SPIRE1: variants seen among roughly 807,000 people sequenced by gnomAD.
SPIRE1 encodes protein spire homolog 1.
In SPIRE1, 40 loss-of-function variants were observed where a neutral mutation model predicts 94.1. That is an observed-to-expected ratio of 0.43 (90% CI 0.33 to 0.55). The LOEUF is 0.55. SPIRE1 is among the 20% of genes least tolerant of loss of function. SPIRE1 has a pLI of 0.06. For missense variants in SPIRE1, 838 were observed against 975.2 expected (o/e 0.86, Z 1.87); for synonymous variants, 376 against 371.7 (o/e 1.01, Z -0.13).
Position 12,464,786 on chromosome 18 carries a change from G to A in SPIRE1, c.1495+82C>T, listed in dbSNP as rs2032019415. ...TCTTTCTACCCTAGATGATCACAGG[G>A]CGCTCTGGGATCTCTGCTCTAGGTC... On this transcript the variant is annotated intron_variant, in intron 11 of 16. Transcript: ENST00000409402. 3 of 1,110,438 alleles carry A rather than the reference G, an allele frequency of 2.7e-6. No homozygotes were observed. The South Asian group carries it at 4.0e-5, about 15-fold the overall frequency. 68.8% of individuals were successfully genotyped at this position (1,110,438 alleles called of 1,614,324 possible). A position where few individuals can be genotyped will look rare whatever the true frequency, so the allele number is the denominator to read the frequency against.
chr18:12,539,948 G>GAAAGAA (rs1442445208), intron 3 of SPIRE1, among the ~76,000 whole-genome samples: 3 of 149,940 alleles, frequency 2.0e-5, no homozygotes, highest in South Asian at 2.1e-4. Context: ...AAAAAGAAAA[G>GAAAGAA]AAAGAAAAAG....
chr18:12,558,747 A>G (rs28815517), intron 2 of SPIRE1, among the ~76,000 whole-genome samples: 16,365 of 152,154 alleles, frequency 0.11, 994 homozygotes, highest in Middle Eastern at 0.18. Flanking sequence ...TGACTGGTGC[A>G]TCCACAAACC....
chr18:12,600,295 A>T (rs1369656205), intron 2 of SPIRE1, among the ~76,000 whole-genome samples: 1 of 152,120 alleles, frequency 6.6e-6, no homozygotes, highest in East Asian at 1.9e-4. Flanking sequence ...ACTCCTAACT[A>T]ACAAAATCTG....
At chr18:12,506,306 C>T (rs972776145) in intron 6 of SPIRE1, among the ~76,000 whole-genome samples, 171 bp downstream of exon 6, 1 of 152,056 alleles carries the variant, frequency 6.6e-6, no homozygotes, top group African/African-American at 2.4e-5. Context: ...TACAGGTGTG[C>T]ACCACCACGC....
chr18:12,623,660 C>T (rs2037539323), intron 2 of SPIRE1, among the ~76,000 whole-genome samples: 3 of 151,234 alleles, frequency 2.0e-5, no homozygotes, highest in South Asian at 2.1e-4. Context: ...GAGAGTTTCA[C>T]TCTTGTCACC....
intron 2 of SPIRE1, among the ~76,000 whole-genome samples, chr18:12,554,919 C>T (rs1281636338): frequency 6.6e-6 from 1 of 152,146 alleles, no homozygotes; most frequent in African/African-American, 2.4e-5. Flanking sequence ...AGGAAACCAC[C>T]CATCAGGCCT....
intron 2 of SPIRE1, among the ~76,000 whole-genome samples, chr18:12,547,580 A>T (rs993349826): frequency 7.2e-4 from 110 of 152,280 alleles, no homozygotes; most frequent in Middle Eastern, 3.4e-3. Context: ...CTATATATTT[A>T]AAAAAGCACA....
chr18:12,658,169 AGGGGGCCGCACGGGCC>A (rs2038616109), upstream of SPIRE1: 1 of 882,596 alleles, frequency 1.1e-6, no homozygotes, highest in Non-Finnish European at 1.5e-6. Context: ...CCCGCCCCTT[AGGGGGCCGCACGGGCC>A]GGGGGATGCA....
At chr18:12,485,710 C>G in intron 9 of SPIRE1, among the ~76,000 whole-genome samples, 1 of 152,158 alleles carries the variant, frequency 6.6e-6, no homozygotes, top group East Asian at 1.9e-4. Context: ...GCACCATCTT[C>G]TAGAACCATG....
intron 10 of SPIRE1, 94 bp downstream of exon 10, chr18:12,479,605 A>T: frequency 8.4e-7 from 1 of 1,194,450 alleles, no homozygotes; most frequent in Non-Finnish European, 1.2e-6. Context: ...GGAAGAGATT[A>T]AGCAACAACT....
chr18:12,540,207 A>ATTTGTGGCT (rs1307679722), intron 3 of SPIRE1, among the ~76,000 whole-genome samples: 1 of 152,058 alleles, frequency 6.6e-6, no homozygotes, highest in East Asian at 1.9e-4. Context: ...CTCAAATCCC[A>ATTTGTGGCT]TTTGTGGCTT....
intron 1 of SPIRE1, among the ~76,000 whole-genome samples, chr18:12,641,366 CTTT>C (rs1183704721): frequency 8.4e-6 from 1 of 119,344 alleles, no homozygotes; most frequent in African/African-American, 2.9e-5. Flanking sequence ...ACCCGAATTT[CTTT>C]TTTTCTTTTT....
At chr18:12,522,315 A>T (rs980160409) in intron 4 of SPIRE1, among the ~76,000 whole-genome samples, 13 of 152,218 alleles carry the variant, frequency 8.5e-5, no homozygotes, top group South Asian at 2.1e-4. Flanking sequence ...CCTAATCCTA[A>T]GCAGGGCTCA....
chr18:12,452,611 A>C, intron 14 of SPIRE1, 99 bp from the exon 15 acceptor site: 1 of 1,131,582 alleles, frequency 8.8e-7, no homozygotes, highest in Non-Finnish European at 1.3e-6. Context: ...TTCCACAATA[A>C]ACTGCATAAC....
At chr18:12,614,690 C>T (rs2037234994) in intron 2 of SPIRE1, among the ~76,000 whole-genome samples, 1 of 151,648 alleles carries the variant, frequency 6.6e-6, no homozygotes, top group South Asian at 2.1e-4. Context: ...CGGTCACGGG[C>T]GCCTGTAACC....
At chr18:12,508,450 G>T (rs1165521794) in intron 5 of SPIRE1, among the ~76,000 whole-genome samples, 1 of 152,120 alleles carries the variant, frequency 6.6e-6, no homozygotes, top group Non-Finnish European at 1.5e-5. Flanking sequence ...CTTAGATTCT[G>T]CCATTAAAGA....
chr18:12,475,284 C>A (rs2143712365), intron 10 of SPIRE1, among the ~76,000 whole-genome samples: 1 of 152,214 alleles, frequency 6.6e-6, no homozygotes, highest in East Asian at 1.9e-4. Context: ...TACTGACTCA[C>A]TGAACTGACC....
chr18:12,511,074 G>A (rs1028470263), intron 5 of SPIRE1, among the ~76,000 whole-genome samples: 4 of 152,170 alleles, frequency 2.6e-5, no homozygotes, highest in African/African-American at 9.7e-5. Flanking sequence ...AGCTCATATT[G>A]TTTATTCTGC....
In SPIRE1 at chr18:12,535,519, A is replaced by G; in HGVS notation, c.686T>C (p.Met229Thr). 2 of 1,613,604 alleles carry G rather than the reference A, an allele frequency of 1.2e-6. No homozygotes were observed. Among genetic ancestry groups the G allele is most frequent in the Non-Finnish European group, 1.7e-6 (2 of 1,179,616 alleles). The part of the protein sequence containing the change: ...AVCRALFAET[M>T]ELHTFLTKIK... ...TTTGGTCAGAAATGTATGGAGCTCC[A>G]TTGTTTCTGCAAACAGTGCACGACA... Residue 229 changes from methionine to threonine, a missense_variant, in exon 4 of 17, where the codon ATG becomes ACG. By Grantham distance (81) the Met-to-Thr change is moderately conservative. Coordinates refer to ENST00000409402, the MANE Select transcript of SPIRE1 (RefSeq NM_001128626.2).
Sources: gnomAD v4.1 joint callset for allele counts (sites outside exome capture counted in the v4.1 genomes callset) on GRCh38, gnomAD v4.1.1 for gene constraint, MANE v1.5 for transcripts, NCBI Gene and HGNC (gene_info 2026-07-23, HGNC 2026-07-21) for gene names.